UGT3A2: variants seen among roughly 807,000 people sequenced by gnomAD.
UGT3A2 encodes the protein UDP glycosyltransferase family 3 member A2.
In UGT3A2, 32 loss-of-function variants were observed where a neutral mutation model predicts 39.8. That is an observed-to-expected ratio of 0.80 (90% confidence interval 0.61 to 1.08). UGT3A2 has a LOEUF of 1.08. Ranked by LOEUF, UGT3A2 falls within the 50% of genes least tolerant of loss-of-function variation. The probability of loss-of-function intolerance (pLI) is 0.00; values close to 1 mark genes in which losing one functional copy is unlikely to be tolerated. For missense variants in UGT3A2, 611 were observed against 637.1 expected (o/e 0.96, Z 0.44); for synonymous variants, 241 against 230.7 (o/e 1.04, Z -0.40).
chr5:36,054,462 G>GA (rs1742443989), intron 2 of UGT3A2, among the ~76,000 whole-genome samples: 1 of 152,074 alleles, frequency 6.6e-6, no homozygotes, highest in Admixed American at 6.6e-5. Flanking sequence ...AATTCAAAGT[G>GA]AAAAATCTCA....
chr5:36,042,274 ATTGT>A (rs1207864704), intron 4 of UGT3A2, among the ~76,000 whole-genome samples: 2 of 152,086 alleles, frequency 1.3e-5, no homozygotes, highest in Non-Finnish European at 2.9e-5. Flanking sequence ...TTTTTGCTTA[ATTGT>A]TTGTTTCTTT....
chr5:36,066,585 C>T, intron 1 of UGT3A2, 111 bp downstream of exon 1: 2 of 1,574,772 alleles, frequency 1.3e-6, no homozygotes, highest in Non-Finnish European at 8.7e-7. Flanking sequence ...GTCCGCAAGC[C>T]CAGCCTGGAA....
At chr5:36,045,887 G>T (rs1334413614) in intron 4 of UGT3A2, among the ~76,000 whole-genome samples, 1 of 151,810 alleles carries the variant, frequency 6.6e-6, no homozygotes, top group African/African-American at 2.4e-5. Context: ...TCTGACAAAG[G>T]ATTAATAACT....
At chr5:36,052,757 C>A (rs1269197686) in intron 2 of UGT3A2, among the ~76,000 whole-genome samples, 2 of 152,086 alleles carry the variant, frequency 1.3e-5, no homozygotes, top group East Asian at 1.9e-4. Context: ...AAAAAAAATA[C>A]CTCACCCTAT....
At chr5:36,064,415 T>A in intron 1 of UGT3A2, 65 bp from the exon 2 acceptor site, 2 of 1,389,826 alleles carry the variant, frequency 1.4e-6, no homozygotes, top group Non-Finnish European at 2.0e-6. Context: ...TCAGTAGTGA[T>A]CAATCCAGGA....
intron 4 of UGT3A2, 80 bp from the exon 5 acceptor site, chr5:36,039,788 A>G (rs968011067): frequency 1.7e-6 from 2 of 1,162,806 alleles, no homozygotes. Context: ...AAGCCAGAGT[A>G]TTTACTAACA....
At chr5:36,052,468 A>ACTCCATTTTCACTCTTTGT (rs1554078592) in intron 2 of UGT3A2, among the ~76,000 whole-genome samples, 21 of 150,748 alleles carry the variant, frequency 1.4e-4, no homozygotes, top group Non-Finnish European at 1.9e-4. Context: ...AAGAAGTCTG[A>ACTCCATTTTCACTCTTTGT]CTCCATTTTC....
chr5:36,045,773 T>C (rs1459136150), intron 4 of UGT3A2, among the ~76,000 whole-genome samples: 4 of 151,840 alleles, frequency 2.6e-5, no homozygotes, highest in Admixed American at 2.6e-4. Context: ...AATGGACAAA[T>C]GAGATCACAT....
intron 1 of UGT3A2, among the ~76,000 whole-genome samples, chr5:36,064,825 G>A (rs978662353): frequency 2.0e-5 from 3 of 152,178 alleles, no homozygotes; most frequent in African/African-American, 7.2e-5. Context: ...GTAGGAGATA[G>A]AAACCTTAAG....
At chr5:36,066,480 G>A (rs1384120227) in intron 1 of UGT3A2, among the ~76,000 whole-genome samples, 3 of 152,152 alleles carry the variant, frequency 2.0e-5, no homozygotes, top group Non-Finnish European at 2.9e-5. Context: ...GACAGTAAAG[G>A]AGAATCTCTT....
chr5:36,051,838 CCT>C, intron 3 of UGT3A2, 30 bp downstream of exon 3: 2 of 1,493,030 alleles, frequency 1.3e-6, no homozygotes, highest in South Asian at 1.2e-5. Flanking sequence ...AAAATGGTGA[CCT>C]TTTTGTTCAA....
Position 36,049,000 on chromosome 5 carries a change from T to G in UGT3A2, c.732A>C (p.Ala244=). The G allele has an allele frequency of 1.2e-6, 2 of 1,614,228 alleles. No homozygotes were observed. The highest frequency in any genetic ancestry group is 2.2e-5 in the South Asian group (2 of 91,088). ...AGTCAGAGTTAATGAACCACAACTC[T>G]GCTTTCAGTAGAAGATGAGACAAAA... ...RPVLSHLLLK[A]ELWFINSDFA... Residue 244 remains alanine, a synonymous_variant, in exon 4 of 7, where the codon GCA becomes GCC. Transcript: ENST00000282507.
At chr5:36,041,599 T>C (rs1561490058) in intron 4 of UGT3A2, among the ~76,000 whole-genome samples, 1 of 152,136 alleles carries the variant, frequency 6.6e-6, no homozygotes, top group Non-Finnish European at 1.5e-5. Flanking sequence ...CTCTGCCTGG[T>C]AATCCAAGGA....
intron 2 of UGT3A2, among the ~76,000 whole-genome samples, chr5:36,053,684 C>T (rs565669640): frequency 2.6e-5 from 4 of 152,174 alleles, no homozygotes; most frequent in African/African-American, 9.7e-5. Flanking sequence ...TAACACAACA[C>T]AAGGTATTGT....
At position 36,035,577 on chromosome 5, in the gene UGT3A2, C is replaced by G. The variant is rs1741791287; in HGVS notation, c.*121G>C. 6 of 1,415,950 alleles carry G rather than the reference C, an allele frequency of 4.2e-6. No homozygotes were observed. The South Asian group carries it at 8.9e-5, about 21-fold the overall frequency. 87.7% of individuals were successfully genotyped at this position (1,415,950 alleles called of 1,614,324 possible). A position where few individuals can be genotyped will look rare whatever the true frequency, so the allele number is the denominator to read the frequency against. ...ATGATTTTTGGCCATTTTTCCTGTTCTTCAAGAAAACAGGAGATAACTAGA... is the reference window on the plus strand; with the variant it reads ...ATGATTTTTGGCCATTTTTCCTGTTGTTCAAGAAAACAGGAGATAACTAGA... On this transcript the variant is annotated 3_prime_UTR_variant, in exon 7 of 7. Transcript: ENST00000282507.
intron 3 of UGT3A2, 52 bp from the exon 4 acceptor site, chr5:36,049,472 T>C: frequency 1.5e-6 from 2 of 1,342,558 alleles, no homozygotes; most frequent in South Asian, 1.5e-5. Flanking sequence ...AAATTTACAG[T>C]ACATAAAAGT....
intron 4 of UGT3A2, among the ~76,000 whole-genome samples, chr5:36,041,157 G>A (rs1224796353): frequency 1.3e-5 from 2 of 152,028 alleles, no homozygotes; most frequent in Non-Finnish European, 2.9e-5. Context: ...TAGCCAGGCA[G>A]TACTTCTCAC....
chr5:36,063,406 A>G (rs995120731), intron 2 of UGT3A2, among the ~76,000 whole-genome samples: 1 of 152,222 alleles, frequency 6.6e-6, no homozygotes, highest in African/African-American at 2.4e-5. Flanking sequence ...CAATGACTCC[A>G]TTAAGAACAT....
In UGT3A2 at chr5:36,066,820, C is replaced by T; in HGVS notation, c.-31G>A. The T allele has an allele frequency of 1.9e-6, 3 of 1,613,940 alleles. No homozygotes were observed. The highest frequency in any genetic ancestry group is 2.5e-6 in the Non-Finnish European group (3 of 1,179,810). On this transcript the variant is annotated 5_prime_UTR_variant, in exon 1 of 7. Transcript: ENST00000282507. The stretch of plus-strand genomic sequence containing the variant: ...CTTCTACGGAAGCCGCGGATCTCAG[C>T]CTGGGCTGCGCGCCCTGCGCCCGGC...
Sources: gnomAD v4.1 joint callset for allele counts (sites outside exome capture counted in the v4.1 genomes callset) on GRCh38, gnomAD v4.1.1 for gene constraint, MANE v1.5 for transcripts, NCBI Gene and HGNC (gene_info 2026-07-23, HGNC 2026-07-21) for gene names.